The following MAPRE2 variants were observed in gnomAD, a reference collection of about 807,000 sequenced individuals.
MAPRE2 encodes microtubule associated protein RP/EB family member 2.
A neutral mutation model predicts 43.2 loss-of-function variants in MAPRE2; 13 were observed. The ratio of observed to expected loss-of-function variants is 0.30; its 90% CI spans 0.20 to 0.48. The LOEUF is 0.48. MAPRE2 is among the 20% of genes least tolerant of loss of function. MAPRE2 has a pLI of 0.99. For synonymous variants in MAPRE2, 135 were observed against 148.8 expected, an observed-to-expected ratio of 0.91 and a Z score of 0.68; for missense variants, 161 against 400.2, an observed-to-expected ratio of 0.40 and a Z score of 5.10.
intron 2 of MAPRE2, among the ~76,000 whole-genome samples, chr18:35,034,176 T>C (rs1487921877): frequency 6.6e-6 from 1 of 151,784 alleles, no homozygotes; most frequent in Non-Finnish European, 1.5e-5. Context: ...TATAGATCAA[T>C]GGAACAGAAC....
At chr18:35,026,763 C>A (rs1358855924) in intron 2 of MAPRE2, among the ~76,000 whole-genome samples, 2 of 152,118 alleles carry the variant, frequency 1.3e-5, no homozygotes, top group African/African-American at 4.8e-5. Flanking sequence ...CCTCAGTTTC[C>A]AGATATAAAG....
chr18:34,980,031 C>CTTTTTTTTTTTTTTTTTTT (rs796434537), intron 1 of MAPRE2, among the ~76,000 whole-genome samples: 6 of 46,156 alleles, frequency 1.3e-4, no homozygotes, highest in African/African-American at 2.6e-4. Flanking sequence ...TTCTTTTTTT[C>CTTTTTTTTTTTTTTTTTTT]TTTTTTTTTT....
upstream of MAPRE2, among the ~76,000 whole-genome samples, chr18:35,040,823 A>C (rs183458748): frequency 6.6e-6 from 1 of 152,164 alleles, no homozygotes; most frequent in African/African-American, 2.4e-5. Flanking sequence ...TAATCCTCAC[A>C]TTATTAAAGG....
intron 4 of MAPRE2, among the ~76,000 whole-genome samples, chr18:35,112,346 T>A (rs1341822767): frequency 6.6e-6 from 1 of 152,144 alleles, no homozygotes; most frequent in Non-Finnish European, 1.5e-5. Context: ...TAATTTTGTA[T>A]TTTTAGTAGA....
At chr18:34,985,348 A>T (rs576851482) in intron 1 of MAPRE2, among the ~76,000 whole-genome samples, 1,004 of 42,684 alleles carry the variant, frequency 0.024, 122 homozygotes, top group African/African-American at 0.1. Flanking sequence ...AATATATTAT[A>T]TTATATATAT....
chr18:35,097,338 C>G (rs1352928777), intron 2 of MAPRE2, 108 bp from the exon 3 acceptor site: 1 of 967,748 alleles, frequency 1.0e-6, no homozygotes, highest in East Asian at 2.4e-5. Context: ...ACACTCTGCT[C>G]TGAGTGATGA....
At chr18:34,985,714 C>G (rs1320541217) in intron 1 of MAPRE2, among the ~76,000 whole-genome samples, 1 of 82,744 alleles carries the variant, frequency 1.2e-5, no homozygotes, top group Non-Finnish European at 2.6e-5. Flanking sequence ...AAATATATAT[C>G]ATATAATATG....
At chr18:34,993,253 G>A (rs757977302) in intron 1 of MAPRE2, among the ~76,000 whole-genome samples, 1 of 143,366 alleles carries the variant, frequency 7.0e-6, no homozygotes, top group Non-Finnish European at 1.5e-5. Flanking sequence ...CACCATTCCC[G>A]CCTTTTTTTT....
At chr18:35,077,575 T>TA (rs1907431307) in intron 2 of MAPRE2, among the ~76,000 whole-genome samples, 1 of 152,216 alleles carries the variant, frequency 6.6e-6, no homozygotes, top group Non-Finnish European at 1.5e-5. Context: ...ATGAGAGTGA[T>TA]ACTGAACATA....
At position 35,070,276 on chromosome 18, in the gene MAPRE2, T is replaced by C. The variant is rs1907041350; in HGVS notation, c.204T>C (p.Asn68=). 6.2e-7 allele frequency: 1 copy of C among 1,611,336 alleles called. No homozygotes were observed. The highest frequency in any genetic ancestry group is 1.3e-5 in the African/African-American group (1 of 74,836). ...GACATGACATCATTGCATGGGTTAATGACATAGTATCTTTAAACTACACAA... is the reference window on the plus strand; with the variant it reads ...GACATGACATCATTGCATGGGTTAACGACATAGTATCTTTAAACTACACAA... ...MSRHDIIAWV[N]DIVSLNYTKV... The change falls in exon 2 of 7, where the codon AAT becomes AAC. Residue 68 remains asparagine (N), a synonymous_variant. Coordinates refer to ENST00000300249, the MANE Select transcript of MAPRE2 (RefSeq NM_014268.4).
chr18:35,071,457 A>G (rs1165278075), intron 2 of MAPRE2, among the ~76,000 whole-genome samples: 1 of 152,256 alleles, frequency 6.6e-6, no homozygotes, highest in African/African-American at 2.4e-5. Context: ...GAAAGAAATA[A>G]GCAGTCCTCC....
intron 1 of MAPRE2, among the ~76,000 whole-genome samples, chr18:35,056,279 A>C (rs1313864324): frequency 6.6e-6 from 1 of 152,164 alleles, no homozygotes; most frequent in African/African-American, 2.4e-5. Context: ...TAATGAACCC[A>C]TTAATATATT....
At chr18:35,136,432 A>G (rs1357005255) in intron 6 of MAPRE2, among the ~76,000 whole-genome samples, 5 of 152,238 alleles carry the variant, frequency 3.3e-5, no homozygotes, top group Non-Finnish European at 7.3e-5. Flanking sequence ...AGACAGGGAC[A>G]TGACTAACTG....
chr18:35,017,337 G>GA (rs1258696367), intron 2 of MAPRE2, among the ~76,000 whole-genome samples: 1 of 114,152 alleles, frequency 8.8e-6, no homozygotes, highest in Non-Finnish European at 1.7e-5. Context: ...CTAGTTCTTT[G>GA]AAAAAATGAT....
chr18:34,981,824 G>T (rs1438771119), intron 1 of MAPRE2, among the ~76,000 whole-genome samples: 2 of 151,446 alleles, frequency 1.3e-5, no homozygotes, highest in Admixed American at 1.3e-4. Flanking sequence ...TTAAAAAGTA[G>T]AAACTACTCA....
At chr18:34,978,583 C>A in intron 1 of MAPRE2, 3 of 1,549,276 alleles carry the variant, frequency 1.9e-6, no homozygotes, top group African/African-American at 2.7e-5. Context: ...TTCTCCTGAA[C>A]GCTAAATTTG....
At chr18:35,017,247 T>G (rs1388923394) in intron 2 of MAPRE2, among the ~76,000 whole-genome samples, 16 of 30,018 alleles carry the variant, frequency 5.3e-4, no homozygotes, top group Non-Finnish European at 1.5e-3. Flanking sequence ...TTTTGTTGTT[T>G]TTTTTTTTTT....
chr18:35,056,287 ATT>A (rs1450981964), intron 1 of MAPRE2, among the ~76,000 whole-genome samples: 1 of 152,144 alleles, frequency 6.6e-6, no homozygotes, highest in Non-Finnish European at 1.5e-5. Flanking sequence ...CCATTAATAT[ATT>A]TGTGATATTA....
chr18:34,992,740 A>C (rs2097024441), intron 1 of MAPRE2, among the ~76,000 whole-genome samples: 1 of 152,236 alleles, frequency 6.6e-6, no homozygotes, highest in African/African-American at 2.4e-5. Flanking sequence ...AGGCAGATGC[A>C]GTGATAAGTT....
Sources: allele counts gnomAD v4.1 joint callset (sites outside exome capture counted in the v4.1 genomes callset), GRCh38; gene constraint gnomAD v4.1.1; transcripts MANE v1.5; gene names NCBI Gene and HGNC (gene_info 2026-07-23, HGNC 2026-07-21).